Variants in CACNA1E observed in about 807,000 individuals in gnomAD.
CACNA1E encodes the protein calcium voltage-gated channel subunit alpha1 E.
Under a neutral mutation model 259.2 loss-of-function variants are expected in CACNA1E, and 40 were observed. That is an observed-to-expected ratio of 0.15 (90% CI 0.12 to 0.20). The LOEUF (loss-of-function observed/expected upper bound fraction) is 0.20. CACNA1E is among the 10% of genes least tolerant of loss of function. CACNA1E has a pLI of 1.00. For missense variants in CACNA1E, 1,874 were observed against 3,040.1 expected, an observed-to-expected ratio of 0.62 and a Z score of 9.02; for synonymous variants, 1,104 against 1,138.5, an observed-to-expected ratio of 0.97 and a Z score of 0.61.
intron 2 of CACNA1E, among the ~76,000 whole-genome samples, chr1:181,425,693 C>T (rs897801447): frequency 6.6e-6 from 1 of 152,118 alleles, no homozygotes; most frequent in African/African-American, 2.4e-5. Context: ...GAGGACCCCA[C>T]CTCAGCCGCT....
chr1:181,799,122 G>A lies in CACNA1E; in HGVS notation c.*288G>A. ...CTGCGGGAGAAGGGACACGAGGATG[G>A]CTTTGCTTCCCCTTGCCCCTTCCCA... On this transcript the variant is annotated 3_prime_UTR_variant, in exon 48 of 48. Transcript: ENST00000367573. The A allele has an allele frequency of 6.7e-6, 2 of 297,954 alleles. No homozygotes were observed. Among genetic ancestry groups the A allele is most frequent in the African/African-American group, 2.2e-5 (1 of 46,362 alleles). 18.5% of individuals were successfully genotyped at this position (297,954 alleles called of 1,614,324 possible). A position where few individuals can be genotyped will look rare whatever the true frequency, so the allele number is the denominator to read the frequency against.
At chr1:181,671,664 C>T (rs1648810643) in intron 7 of CACNA1E, among the ~76,000 whole-genome samples, 1 of 152,196 alleles carries the variant, frequency 6.6e-6, no homozygotes. Context: ...AGAAATGATG[C>T]TTGTGTTTCT....
rs1656746400 is a variant in CACNA1E, at chr1:181,631,583, G to A, written c.952-19755G>A. 2.0e-5 allele frequency among the ~76,000 whole-genome samples: 3 copies of A among 152,306 alleles called. No homozygotes were observed. The South Asian group carries it at 6.2e-4, about 32-fold the overall frequency. ...GAGGAGTGCCTGGGCCGTATTCCCA[G>A]AAGGAGAGGGCGTTGTTGCAGTATG... On this transcript the variant is annotated intron_variant, in intron 6 of 47. Transcript: ENST00000367573.
chr1:181,464,082 T>A (rs1015392966), intron 2 of CACNA1E, among the ~76,000 whole-genome samples: 1 of 152,154 alleles, frequency 6.6e-6, no homozygotes, highest in African/African-American at 2.4e-5. Flanking sequence ...CTGCTGTTTC[T>A]GGGCACTTTA....
chr1:181,399,126 G>A (rs1044754525), intron 1 of CACNA1E, among the ~76,000 whole-genome samples: 1 of 151,782 alleles, frequency 6.6e-6, no homozygotes, highest in African/African-American at 2.4e-5. Context: ...TTCCTCTGAA[G>A]TTGTAGGAGT....
chr1:181,559,800 G>A (rs1558126998), intron 3 of CACNA1E, among the ~76,000 whole-genome samples: 1 of 152,092 alleles, frequency 6.6e-6, no homozygotes, highest in Non-Finnish European at 1.5e-5. Flanking sequence ...GCTAAGGAGG[G>A]GCCACAGAGA....
chr1:181,631,464 G>T (rs1656730245), intron 6 of CACNA1E, among the ~76,000 whole-genome samples: 1 of 152,096 alleles, frequency 6.6e-6, no homozygotes, highest in East Asian at 1.9e-4. Context: ...GATACCAGAG[G>T]TGTCCTCTCA....
intron 1 of CACNA1E, among the ~76,000 whole-genome samples, chr1:181,388,830 G>A (rs1174004947): frequency 6.6e-6 from 1 of 151,902 alleles, no homozygotes; most frequent in South Asian, 2.1e-4. Flanking sequence ...TGTGGAGGTT[G>A]CAGTAAGCCA....
intron 46 of CACNA1E, among the ~76,000 whole-genome samples, chr1:181,795,867 C>CCATTAAGT (rs1219916787): frequency 6.6e-6 from 1 of 150,572 alleles, no homozygotes; most frequent in Non-Finnish European, 1.5e-5. Flanking sequence ...TGTCATAGGG[C>CCATTAAGT]CATTAAGTGG....
chr1:181,320,662 G>T (rs1377135651), intron 1 of CACNA1E, among the ~76,000 whole-genome samples: 2 of 152,160 alleles, frequency 1.3e-5, no homozygotes, highest in Non-Finnish European at 2.9e-5. Context: ...CCCTGCACAC[G>T]AGGTTGACCC....
chr1:181,405,019 C>A (rs1319058809), intron 1 of CACNA1E, among the ~76,000 whole-genome samples: 1 of 152,248 alleles, frequency 6.6e-6, no homozygotes, highest in African/African-American at 2.4e-5. Context: ...CTACTTAGAG[C>A]TGCAGCATGA....
intron 6 of CACNA1E, among the ~76,000 whole-genome samples, chr1:181,593,998 C>T (rs1022426109): frequency 6.6e-6 from 1 of 152,148 alleles, no homozygotes; most frequent in African/African-American, 2.4e-5. Flanking sequence ...ATTTGTTCAA[C>T]TTGAAACTGG....
At chr1:181,579,013 C>G in intron 4 of CACNA1E, 59 bp from the exon 5 acceptor site, 2 of 1,383,694 alleles carry the variant, frequency 1.4e-6, no homozygotes, top group Non-Finnish European at 2.0e-6. Context: ...AACTAATCCT[C>G]CCCTATCAGA....
chr1:181,466,489 A>C (rs1006538428), intron 2 of CACNA1E, among the ~76,000 whole-genome samples: 2 of 152,212 alleles, frequency 1.3e-5, no homozygotes, highest in African/African-American at 4.8e-5. Context: ...TGGTGGTTGC[A>C]GTGAACTGAG....
At chr1:181,338,524 A>G (rs1337886029) in intron 1 of CACNA1E, among the ~76,000 whole-genome samples, 1 of 121,228 alleles carries the variant, frequency 8.2e-6, no homozygotes, top group Non-Finnish European at 1.8e-5. Flanking sequence ...TTTTGTGGCT[A>G]AGTTGTGTGA....
chr1:181,632,392 G>A (rs534573232), intron 6 of CACNA1E, among the ~76,000 whole-genome samples: 1 of 152,288 alleles, frequency 6.6e-6, no homozygotes, highest in East Asian at 1.9e-4. Flanking sequence ...GTGTCATCCT[G>A]GTCAAGGCAT....
In CACNA1E at chr1:181,764,238, T is replaced by C. The variant is rs137955838; in HGVS notation, c.4815+707T>C. Among the ~76,000 whole-genome samples, 286 of 152,312 alleles carry C rather than the reference T, an allele frequency of 1.9e-3. 6 individuals are homozygous for C. The highest frequency in any genetic ancestry group is 7.8e-3 in the Admixed American group (120 of 15,304). ...GTTTCTTAAACATACTGAAATATCT[T>C]TGGACTCTAGCAAATATCATAAATT... On this transcript the variant is annotated intron_variant, in intron 34 of 47. Transcript: ENST00000367573.
chr1:181,732,472 G>A lies in CACNA1E; in HGVS notation c.2386G>A (p.Ala796Thr), dbSNP rs765523410. ...RKHMQMSSQEALNREEAPTMN... is the reference protein window; with the variant it reads ...RKHMQMSSQETLNREEAPTMN... Reference sequence around the variant, plus strand: ...GCACATGCAGATGTCCAGCCAGGAGGCCCTCAACAGAGAGGAGGCGCCGAC... The same window carrying A: ...GCACATGCAGATGTCCAGCCAGGAGACCCTCAACAGAGAGGAGGCGCCGAC... The change falls in exon 20 of 48, where the codon GCC (alanine) becomes ACC (threonine). Residue 796 changes from alanine (A) to threonine (T), a missense_variant. This residue lies in a region of CACNA1E where 476 missense variants were observed against 514.0 expected (regional missense o/e 0.93). Transcript: ENST00000367573. This position sits in a 1 kb window ranked among gnomAD's most constrained non-coding sequence, Gnocchi z 5.5. 6.4e-6 allele frequency: 10 copies of A among 1,551,148 alleles called. No homozygotes were observed. In the South Asian group the frequency reaches 1.1e-4, roughly 17 times the overall value.
intron 1 of CACNA1E, among the ~76,000 whole-genome samples, chr1:181,368,625 T>C (rs1299323178): frequency 6.6e-6 from 1 of 152,026 alleles, no homozygotes; most frequent in Non-Finnish European, 1.5e-5. Context: ...GGAGATGGGG[T>C]TGGGGGGCAG....
Sources: allele counts gnomAD v4.1 joint callset (sites outside exome capture counted in the v4.1 genomes callset), GRCh38; gene constraint gnomAD v4.1.1; regional missense constraint gnomAD v4.1.1; non-coding constraint Gnocchi (gnomAD v3.1); transcripts MANE v1.5; gene names NCBI Gene and HGNC (gene_info 2026-07-23, HGNC 2026-07-21).